The following CNTNAP2 variants were observed in gnomAD, a reference collection of about 807,000 sequenced individuals.
The protein encoded by CNTNAP2 is contactin-associated protein-like 2.
A neutral mutation model predicts 155.2 loss-of-function variants in CNTNAP2; 98 were observed. That is an observed-to-expected ratio of 0.63 (90% CI 0.54 to 0.75). The LOEUF (loss-of-function observed/expected upper bound fraction) is 0.75, where lower values mean the gene tolerates loss of function less well. Among genes scored for constraint, CNTNAP2 ranks in the 30% least tolerant of loss-of-function variants. The pLI, the probability that CNTNAP2 is intolerant of heterozygous loss-of-function variation, is 0.00. For synonymous variants in CNTNAP2, 651 were observed against 631.2 expected (o/e 1.03, Z -0.47); for missense variants, 1,727 against 1,688.1 (o/e 1.02, Z -0.40).
chr7:148,031,083 G>C (rs146696492), intron 15 of CNTNAP2, among the ~76,000 whole-genome samples: 1,748 of 152,266 alleles, frequency 0.011, 29 homozygotes, highest in African/African-American at 0.039. Context: ...GGTACTGGAA[G>C]ATGGTGGGAC....
intron 15 of CNTNAP2, among the ~76,000 whole-genome samples, chr7:148,053,861 G>A (rs1239332057): frequency 6.6e-6 from 1 of 151,972 alleles, no homozygotes; most frequent in Admixed American, 6.6e-5. Flanking sequence ...GGTATTGAGA[G>A]TGTTTTCTTC....
At chr7:146,176,690 T>G (rs540584114) in intron 1 of CNTNAP2, among the ~76,000 whole-genome samples, 2 of 152,322 alleles carry the variant, frequency 1.3e-5, no homozygotes, top group Non-Finnish European at 2.9e-5. Context: ...TCAATAGAAA[T>G]GATACGGCTA....
intron 22 of CNTNAP2, among the ~76,000 whole-genome samples, chr7:148,405,495 T>C (rs1206361442): frequency 2.1e-5 from 3 of 140,970 alleles, no homozygotes; most frequent in African/African-American, 5.4e-5. Context: ...TGGTGCAATC[T>C]CGGCTCGCTA....
Position 146,924,052 on chromosome 7 carries a change from G to T in CNTNAP2, c.402+84148G>T, listed in dbSNP as rs187092734. Among the ~76,000 whole-genome samples, 6 of 151,696 alleles carry T rather than the reference G, an allele frequency of 4.0e-5. No individual in the cohort carries two copies. The South Asian group carries it at 1.2e-3, about 32-fold the overall frequency. ...AAGTATATGTTTTTTTTCTTCTGCC[G>T]CGGTTCTTGGAATAAATTATAGAAC... On this transcript the variant is annotated intron_variant, in intron 3 of 23. Coordinates refer to ENST00000361727, the MANE Select transcript of CNTNAP2 (RefSeq NM_014141.6).
chr7:146,593,300 G>C (rs1220180394), intron 1 of CNTNAP2, among the ~76,000 whole-genome samples: 1 of 151,996 alleles, frequency 6.6e-6, no homozygotes, highest in East Asian at 1.9e-4. Flanking sequence ...TTCCAGTGAA[G>C]AAGGGGGCAG....
chr7:148,305,563 G>A (rs1797476840), intron 21 of CNTNAP2, among the ~76,000 whole-genome samples: 1 of 152,222 alleles, frequency 6.6e-6, no homozygotes, highest in Non-Finnish European at 1.5e-5. Flanking sequence ...CAGTTCTGCA[G>A]GGTTAACAGG....
At chr7:147,476,787 G>C (rs1798327823) in intron 10 of CNTNAP2, among the ~76,000 whole-genome samples, 1 of 152,108 alleles carries the variant, frequency 6.6e-6, no homozygotes, top group African/African-American at 2.4e-5. Context: ...AATTAGCCAG[G>C]TGTGGTGGCA....
intron 1 of CNTNAP2, among the ~76,000 whole-genome samples, chr7:146,369,503 A>G (rs1422254386): frequency 6.6e-6 from 1 of 152,182 alleles, no homozygotes; most frequent in African/African-American, 2.4e-5. Flanking sequence ...TTGTCTTCTA[A>G]TAAGTCATAG....
intron 7 of CNTNAP2, among the ~76,000 whole-genome samples, chr7:147,131,195 A>C (rs1430593743): frequency 6.6e-6 from 1 of 150,984 alleles, no homozygotes; most frequent in African/African-American, 2.4e-5. Context: ...TATACCATAC[A>C]CATGTATACC....
chr7:147,588,331 T>A (rs1178390678), intron 12 of CNTNAP2, among the ~76,000 whole-genome samples: 4 of 152,058 alleles, frequency 2.6e-5, no homozygotes, highest in African/African-American at 4.8e-5. Context: ...GAAAAGATGA[T>A]CAGCTAGAAC....
intron 1 of CNTNAP2, among the ~76,000 whole-genome samples, chr7:146,227,599 G>A (rs1426710033): frequency 3.3e-5 from 5 of 152,074 alleles, no homozygotes; most frequent in African/African-American, 7.2e-5. Flanking sequence ...AGAACATTGA[G>A]TGTATCTAAA....
At chr7:146,392,180 C>T (rs1477729770) in intron 1 of CNTNAP2, among the ~76,000 whole-genome samples, 1 of 152,002 alleles carries the variant, frequency 6.6e-6, no homozygotes, top group Non-Finnish European at 1.5e-5. Context: ...GCTTCAATTT[C>T]CCAACTTTTA....
At chr7:147,088,892 T>A (rs1800337745) in intron 4 of CNTNAP2, among the ~76,000 whole-genome samples, 1 of 152,072 alleles carries the variant, frequency 6.6e-6, no homozygotes, top group South Asian at 2.1e-4. Flanking sequence ...TGCAGTGGGC[T>A]GTGATCATAC....
intron 4 of CNTNAP2, among the ~76,000 whole-genome samples, chr7:147,064,911 A>C (rs1799750258): frequency 6.6e-6 from 1 of 152,216 alleles, no homozygotes; most frequent in African/African-American, 2.4e-5. Flanking sequence ...AAGAGCTCAA[A>C]TTCCTTATGA....
At chr7:147,762,098 A>G (rs970507124) in intron 13 of CNTNAP2, among the ~76,000 whole-genome samples, 3 of 151,894 alleles carry the variant, frequency 2.0e-5, no homozygotes, top group South Asian at 2.1e-4. Context: ...CTCACTGAGT[A>G]GATCATGAAC....
intron 1 of CNTNAP2, among the ~76,000 whole-genome samples, chr7:146,303,973 T>C (rs7801801): frequency 0.033 from 4,992 of 152,224 alleles, 273 homozygotes; most frequent in African/African-American, 0.11. Context: ...CATATATATT[T>C]AGGATAGTTA....
At chr7:146,595,127 G>T (rs557701729) in intron 1 of CNTNAP2, among the ~76,000 whole-genome samples, 52 of 152,150 alleles carry the variant, frequency 3.4e-4, no homozygotes, top group African/African-American at 1.2e-3. Flanking sequence ...CAGAAAAATG[G>T]ATTGCAGCAT....
chr7:147,969,792 C>T (rs1338086225), intron 14 of CNTNAP2, among the ~76,000 whole-genome samples: 1 of 152,148 alleles, frequency 6.6e-6, no homozygotes, highest in Non-Finnish European at 1.5e-5. Context: ...ATTAGATACA[C>T]ACTTTTAACA....
At chr7:146,818,611 G>C (rs1057463934) in intron 2 of CNTNAP2, among the ~76,000 whole-genome samples, 1 of 152,060 alleles carries the variant, frequency 6.6e-6, no homozygotes, top group Admixed American at 6.6e-5. Flanking sequence ...GCTCTCTGTG[G>C]CCTGGGCAAG....
Sources: gnomAD v4.1 joint callset for allele counts (sites outside exome capture counted in the v4.1 genomes callset) on GRCh38, gnomAD v4.1.1 for gene constraint, MANE v1.5 for transcripts, NCBI Gene and HGNC (gene_info 2026-07-23, HGNC 2026-07-21) for gene names.